Variants in RHOH observed in about 807,000 individuals in gnomAD.
RHOH encodes rho-related GTP-binding protein RhoH.
A neutral mutation model predicts 13.8 loss-of-function variants in RHOH; 6 were observed. That is an observed-to-expected ratio of 0.44 (90% CI 0.24 to 0.86). The LOEUF (loss-of-function observed/expected upper bound fraction) is 0.86. RHOH is among the 40% of genes least tolerant of loss of function. The pLI is 0.24. For synonymous variants in RHOH, 117 were observed against 103.0 expected, an observed-to-expected ratio of 1.14 and a Z score of -0.82; for missense variants, 147 against 244.5, an observed-to-expected ratio of 0.60 and a Z score of 2.66.
intron 1 of RHOH, among the ~76,000 whole-genome samples, chr4:40,210,353 A>T (rs1244877123): frequency 1.3e-5 from 2 of 152,104 alleles, no homozygotes; most frequent in African/African-American, 4.8e-5. Flanking sequence ...GCTCAATAAG[A>T]CTGCCTGCCA....
intron 1 of RHOH, among the ~76,000 whole-genome samples, chr4:40,220,752 T>C (rs1343000668): frequency 6.6e-6 from 1 of 152,230 alleles, no homozygotes; most frequent in Non-Finnish European, 1.5e-5. Context: ...TTTTTAGACT[T>C]CTATGGATTT....
intron 1 of RHOH, among the ~76,000 whole-genome samples, chr4:40,198,483 C>T (rs755980591): frequency 3.3e-5 from 5 of 152,242 alleles, no homozygotes; most frequent in Admixed American, 1.3e-4. Context: ...TTCTGCCCTG[C>T]GGCTGCGCTT....
At chr4:40,202,968 T>C (rs1052305460) in intron 1 of RHOH, among the ~76,000 whole-genome samples, 3 of 152,118 alleles carry the variant, frequency 2.0e-5, no homozygotes, top group Non-Finnish European at 2.9e-5. Flanking sequence ...ATTTTTAGTT[T>C]TTTTTAAATT....
chr4:40,240,966 G>A (rs1008722259), intron 1 of RHOH, among the ~76,000 whole-genome samples: 1 of 151,784 alleles, frequency 6.6e-6, no homozygotes, highest in African/African-American at 2.4e-5. Context: ...AGACCAGCCT[G>A]AACAATATAA....
At chr4:40,226,317 G>A (rs529945973) in intron 1 of RHOH, among the ~76,000 whole-genome samples, 5 of 151,502 alleles carry the variant, frequency 3.3e-5, no homozygotes, top group African/African-American at 9.7e-5. Context: ...ACCTGAGGTC[G>A]GGAGTTCAAG....
intron 1 of RHOH, among the ~76,000 whole-genome samples, chr4:40,216,923 G>C (rs1725962909): frequency 6.6e-6 from 1 of 152,146 alleles, no homozygotes; most frequent in South Asian, 2.1e-4. Flanking sequence ...AAGGAAACAA[G>C]TTCCCATAAG....
chr4:40,201,958 T>TG lies in RHOH; in HGVS notation c.-331+4658_-331+4659insG, dbSNP rs1241655476. ...TTAACTCCATGAGTTTTTTTTTTTT[T>TG]TTTTTTTTTTTTAAGACAGGGTCTT... On this transcript the variant is annotated intron_variant, in intron 1 of 2. Transcript: ENST00000381799. 1.9e-3 allele frequency among the ~76,000 whole-genome samples: 280 copies of TG among 150,762 alleles called. 1 individual carries two copies. Among genetic ancestry groups the TG allele is most frequent in the African/African-American group, 6.5e-3 (267 of 41,072 alleles).
intron 1 of RHOH, among the ~76,000 whole-genome samples, chr4:40,203,291 G>A (rs1431568769): frequency 1.3e-5 from 2 of 152,156 alleles, no homozygotes; most frequent in Non-Finnish European, 2.9e-5. Flanking sequence ...GTTTTAGTGT[G>A]TTTAAGAATC....
intron 1 of RHOH, among the ~76,000 whole-genome samples, chr4:40,240,929 G>T (rs1374117392): frequency 6.6e-6 from 1 of 152,052 alleles, no homozygotes; most frequent in Non-Finnish European, 1.5e-5. Context: ...GGCTGAGGTG[G>T]GAGGACTGCT....
At chr4:40,198,581 C>A (rs551596096) in intron 1 of RHOH, among the ~76,000 whole-genome samples, 1 of 152,316 alleles carries the variant, frequency 6.6e-6, no homozygotes, top group Admixed American at 6.5e-5. Flanking sequence ...CTTTCTGCAT[C>A]CCTGTGCCTG....
chr4:40,243,199 T>C lies in RHOH; in HGVS notation c.-188T>C. The C allele has an allele frequency of 4.4e-6, 2 of 451,432 alleles. No individual in the cohort carries two copies. Among genetic ancestry groups the C allele is most frequent in the Admixed American group, 4.1e-5 (1 of 24,416 alleles). 28.0% of individuals were successfully genotyped at this position (451,432 alleles called of 1,614,324 possible). A position where few individuals can be genotyped will look rare whatever the true frequency, so the allele number is the denominator to read the frequency against. On this transcript the variant is annotated 5_prime_UTR_variant, in exon 3 of 3. Coordinates refer to ENST00000381799, the MANE Select transcript of RHOH (RefSeq NM_004310.5). The surrounding 1 kb of genome is among the most constrained non-coding windows in gnomAD (Gnocchi z 6.2). ...CCAGTTGAAGACTAGGCTTTGGAGG[T>C]TTTCAAAGCAGACGGTGCTTGGATG... is the stretch of plus-strand genomic sequence containing the variant.
At chr4:40,219,037 T>A (rs1482817200) in intron 1 of RHOH, among the ~76,000 whole-genome samples, 1 of 152,212 alleles carries the variant, frequency 6.6e-6, no homozygotes, top group African/African-American at 2.4e-5. Flanking sequence ...AATCTACTGA[T>A]AAGGAAAAAG....
At chr4:40,230,704 G>A (rs1484316380) in intron 1 of RHOH, among the ~76,000 whole-genome samples, 1 of 152,098 alleles carries the variant, frequency 6.6e-6, no homozygotes, top group African/African-American at 2.4e-5. Context: ...AGAAAGAAGA[G>A]GTGGCTTGGG....
upstream of RHOH, among the ~76,000 whole-genome samples, chr4:40,195,401 C>T (rs1387254280): frequency 2.1e-5 from 3 of 142,506 alleles, no homozygotes; most frequent in Non-Finnish European, 4.6e-5. Flanking sequence ...TTCCTTCCTT[C>T]CTTCCTTCCT....
At chr4:40,238,282 G>A (rs1728826317) in intron 1 of RHOH, among the ~76,000 whole-genome samples, 1 of 152,030 alleles carries the variant, frequency 6.6e-6, no homozygotes, top group Non-Finnish European at 1.5e-5. Flanking sequence ...TGGGAGTTGG[G>A]GGCTGAGTGA....
At chr4:40,228,575 G>A (rs1005062232) in intron 1 of RHOH, among the ~76,000 whole-genome samples, 2 of 152,022 alleles carry the variant, frequency 1.3e-5, no homozygotes, top group African/African-American at 4.8e-5. Context: ...GGGGATGGGG[G>A]GAACCTTGAG....
intron 1 of RHOH, among the ~76,000 whole-genome samples, chr4:40,242,196 T>C (rs2109582173): frequency 6.6e-6 from 1 of 152,382 alleles, no homozygotes; most frequent in African/African-American, 2.4e-5. Context: ...CCCACTGCAC[T>C]GAATGAGAAT....
At chr4:40,200,236 T>C (rs1404073608) in intron 1 of RHOH, 2 of 152,230 alleles carry the variant, frequency 1.3e-5, no homozygotes, top group East Asian at 1.9e-4. Flanking sequence ...CTCTAGCAAC[T>C]GCTTGAATGC....
At chr4:40,225,913 A>ATGT (rs145681140) in intron 1 of RHOH, among the ~76,000 whole-genome samples, 4,671 of 152,216 alleles carry the variant, frequency 0.031, 209 homozygotes, top group African/African-American at 0.1. Flanking sequence ...GTCATCTTGG[A>ATGT]CAAGGTACTT....
Sources: allele counts gnomAD v4.1 joint callset (sites outside exome capture counted in the v4.1 genomes callset), GRCh38; gene constraint gnomAD v4.1.1; non-coding constraint Gnocchi (gnomAD v3.1); transcripts MANE v1.5; gene names NCBI Gene and HGNC (gene_info 2026-07-23, HGNC 2026-07-21).